TBC1D3I: variants seen among roughly 807,000 people sequenced by gnomAD.
TBC1D3I encodes the protein Prostate cancer gene 17 protein.
For missense variants in TBC1D3I, 8 were observed against 125.3 expected (o/e 0.06, Z 4.47); for synonymous variants, 2 against 51.3 (o/e 0.04, Z 4.11).
chr17:36,255,053 C>T (rs1241606794), intron 13 of TBC1D3I, among the ~76,000 whole-genome samples: 3 of 4,544 alleles, frequency 6.6e-4, no homozygotes, highest in Admixed American at 4.2e-3. Context: ...ATTCCCTTGT[C>T]TCCCTGGCTC....
intron 1 of TBC1D3I, among the ~76,000 whole-genome samples, chr17:36,263,538 G>GTGT (rs2069180643): frequency 3.6e-5 from 1 of 27,484 alleles, no homozygotes; most frequent in African/African-American, 8.7e-5. Context: ...GAGCAGGAGG[G>GTGT]TGTTGGGTTT....
intron 13 of TBC1D3I, among the ~76,000 whole-genome samples, chr17:36,254,960 G>A (rs1365813114): frequency 1.4e-3 from 8 of 5,844 alleles, no homozygotes; most frequent in Non-Finnish European, 2.3e-3. Context: ...TCCATGCCAG[G>A]ACTGACCGTT....
chr17:36,260,257 A>G, exon 6 of TBC1D3I: 1 of 373,290 alleles, frequency 2.7e-6, no homozygotes, highest in South Asian at 3.4e-5. Flanking sequence ...TTTCATCTTC[A>G]TTTCCTCAGT....
chr17:36,263,478 CGTGGCTCTTCA>C lies in TBC1D3I; in HGVS notation c.-1-503_-1-493del, dbSNP rs2069180159. ...CTACTCCGCTCATCACTTTGGCTAC[CGTGGCTCTTCA>C]GTCTGAACAGTGAAGCCACTTTAGG... On this transcript the variant is annotated intron_variant, in intron 1 of 13. Transcript: ENST00000621034. Among the ~76,000 whole-genome samples, 2 of 23,606 alleles carry C rather than the reference CGTGGCTCTTCA, an allele frequency of 8.5e-5. 1 individual carries two copies. Among genetic ancestry groups the C allele is most frequent in the African/African-American group, 2.2e-4 (2 of 9,148 alleles). The allele number at this position is 23,606 out of a possible 152,430, so 15.5% of individuals were successfully genotyped here.
At chr17:36,260,317 T>C (rs2142289851) in exon 6 of TBC1D3I, 2 of 373,830 alleles carry the variant, frequency 5.4e-6, no homozygotes, top group East Asian at 9.7e-5. Flanking sequence ...GGGCATTCCC[T>C]TGTACGCTCG....
Position 36,260,228 on chromosome 17 carries a change from C to A in TBC1D3I, c.387+1G>T, listed in dbSNP as rs1336391603. The A allele has an allele frequency of 5.4e-6, 2 of 373,106 alleles. 1 individual carries two copies. The highest frequency in any genetic ancestry group is 1.5e-4 in the African/African-American group (2 of 13,332). The allele number at this position is 373,106 out of a possible 1,614,324, so 23.1% of individuals were successfully genotyped here. A position where few individuals can be genotyped will look rare whatever the true frequency, so the allele number is the denominator to read the frequency against. On this transcript the variant is annotated splice_donor_variant, in intron 6 of 13. Transcript: ENST00000621034. LOFTEE classifies it high-confidence loss of function. Reference sequence around the variant, plus strand: ...GTTTGTTGTGCTCTGGCTGAGCGTACCTGGTATCTTCCGGGGTTTTTCATC... The same window carrying A: ...GTTTGTTGTGCTCTGGCTGAGCGTAACTGGTATCTTCCGGGGTTTTTCATC...
rs1215795521 is a variant in TBC1D3I at position 36,257,431 on chromosome 17, A to G, written c.668-316T>C. Among the ~76,000 whole-genome samples, 118 of 72,816 alleles carry G rather than the reference A, an allele frequency of 1.6e-3. 1 individual carries two copies. Among genetic ancestry groups the G allele is most frequent in the East Asian group, 2.9e-3 (9 of 3,140 alleles). The allele number at this position is 72,816 out of a possible 152,430, so 47.8% of individuals were successfully genotyped here. On this transcript the variant is annotated intron_variant, in intron 9 of 13. Transcript: ENST00000621034. ...CATCTCCTGGTAGTGGGGTCGGGCC[A>G]GGGAACAGGGGATGGGGAGATGCTG...
intron 5 of TBC1D3I, 151 bp from the exon 6 acceptor site, chr17:36,260,487 G>A: frequency 7.0e-6 from 1 of 143,504 alleles, no homozygotes; most frequent in Non-Finnish European, 1.4e-5. Flanking sequence ...TCCCAGGACT[G>A]AAAGAGTGGA....
exon 6 of TBC1D3I, chr17:36,260,289 C>A (rs1567668219): frequency 5.3e-6 from 2 of 373,904 alleles, no homozygotes; most frequent in South Asian, 6.8e-5. Context: ...CTGACCACAT[C>A]GGGCCCCGGA....
chr17:36,257,496 CA>C (rs1283682286), intron 9 of TBC1D3I, among the ~76,000 whole-genome samples: 1 of 84,190 alleles, frequency 1.2e-5, no homozygotes, highest in Non-Finnish European at 3.1e-5. Flanking sequence ...GCACCGATGG[CA>C]GCAGGAGCCT....
In TBC1D3I at chr17:36,259,780, G is replaced by A. The variant is rs1597755506; in HGVS notation, c.497+10C>T. The stretch of plus-strand genomic sequence containing the variant: ...TCTCTGCTGGGACCCTGTGGCTCCC[G>A]TAGGCTTACTTGGTTCCGTATCGAT... On this transcript the variant is annotated intron_variant, in intron 7 of 13. Coordinates refer to ENST00000621034, the Ensembl canonical transcript of TBC1D3I. 5.9e-5 allele frequency: 3 copies of A among 50,952 alleles called. 1 individual carries two copies. The highest frequency in any genetic ancestry group is 1.5e-4 in the Admixed American group (1 of 6,534). 3.2% of individuals were successfully genotyped at this position (50,952 alleles called of 1,614,324 possible).
rs1597755578 is a variant in TBC1D3I, at chr17:36,259,803, G to A, written c.484C>T (p.Arg162Ter). ...CCGTAGGCTTACTTGGTTCCGTATC[G>A]ATCCCTGAAGAATATATGCTTCCTT... Residue 162 changes from arginine (R) to a stop codon, truncating the protein, a stop_gained, in exon 7 of 14, where the codon CGA becomes TGA. Transcript: ENST00000621034. LOFTEE classifies it high-confidence loss of function. 1 of 60,156 alleles carries A rather than the reference G, an allele frequency of 1.7e-5. No individual in the cohort carries two copies. Among genetic ancestry groups the A allele is most frequent in the East Asian group, 1.7e-4 (1 of 5,744 alleles). The allele number at this position is 60,156 out of a possible 1,614,324, so 3.7% of individuals were successfully genotyped here.
At chr17:36,254,707 A>AAGCTGTCGTGGCAT in intron 13 of TBC1D3I, among the ~76,000 whole-genome samples, 185 bp from the exon 14 acceptor site, 3 of 62,614 alleles carry the variant, frequency 4.8e-5, no homozygotes, top group Admixed American at 1.7e-4. Context: ...TGGCGTGGGG[A>AAGCTGTCGTGGCAT]AGCTGTCGTG....
Position 36,261,972 on chromosome 17 carries a change from A to G in TBC1D3I, c.159-590T>C, listed in dbSNP as rs1360873935. Among the ~76,000 whole-genome samples the G allele has an allele frequency of 4.4e-5, 2 of 45,422 alleles. 1 individual carries two copies. The highest frequency in any genetic ancestry group is 1.9e-4 in the Non-Finnish European group (2 of 10,720). The allele number at this position is 45,422 out of a possible 152,430, so 29.8% of individuals were successfully genotyped here. A position where few individuals can be genotyped will look rare whatever the true frequency, so the allele number is the denominator to read the frequency against. ...CCGCTCGTCAGCTCCCTCCCGCCCT[A>G]CCTCCCCAGGGATCCTCTGTCTCTC... On this transcript the variant is annotated intron_variant, in intron 3 of 13. Coordinates refer to ENST00000621034, the Ensembl canonical transcript of TBC1D3I.
chr17:36,257,470 G>C (rs1378893199), intron 9 of TBC1D3I, among the ~76,000 whole-genome samples: 4 of 81,990 alleles, frequency 4.9e-5, no homozygotes, highest in African/African-American at 1.5e-4. Flanking sequence ...CCTGGGCTTG[G>C]TCGGCCCATT....
At chr17:36,254,993 G>A (rs1597752674) in intron 13 of TBC1D3I, among the ~76,000 whole-genome samples, 2 of 8,200 alleles carry the variant, frequency 2.4e-4, no homozygotes, top group East Asian at 2.8e-3. Flanking sequence ...TGAACTCTTG[G>A]CTCTGGCTCT....
At chr17:36,253,799 G>T, downstream of TBC1D3I, 1 of 587,250 alleles carries the variant, frequency 1.7e-6, no homozygotes, top group South Asian at 1.9e-5. Context: ...TGTGATCTGG[G>T]GTCTGGTGTG....
chr17:36,254,985 A>G (rs1379413174), intron 13 of TBC1D3I, among the ~76,000 whole-genome samples: 1 of 7,168 alleles, frequency 1.4e-4, no homozygotes, highest in Non-Finnish European at 3.0e-4. Flanking sequence ...CTTCTGGCTG[A>G]ACTCTTGGCT....
chr17:36,260,403 G>A, intron 5 of TBC1D3I, 67 bp from the exon 6 acceptor site: 2 of 346,916 alleles, frequency 5.8e-6, no homozygotes, highest in Non-Finnish European at 9.2e-6. Context: ...AGAGCCCGGG[G>A]ATTCTGGAAA....
Sources: gnomAD v4.1 joint callset for allele counts (sites outside exome capture counted in the v4.1 genomes callset) on GRCh38, gnomAD v4.1.1 for gene constraint, MANE v1.5 for transcripts, NCBI Gene and HGNC (gene_info 2026-07-23, HGNC 2026-07-21) for gene names.